Variants in CWF19L2 observed in about 807,000 individuals in gnomAD.
CWF19L2 encodes CWF19-like protein 2.
Under a neutral mutation model 111.7 loss-of-function variants are expected in CWF19L2, and 98 were observed. That is an observed-to-expected ratio of 0.88 (90% CI 0.75 to 1.04). The LOEUF (loss-of-function observed/expected upper bound fraction) is 1.04. Among genes scored for constraint, CWF19L2 ranks in the 50% least tolerant of loss-of-function variants. The probability of loss-of-function intolerance (pLI) is 0.00; values close to 1 mark genes in which losing one functional copy is unlikely to be tolerated. For synonymous variants in CWF19L2, 351 were observed against 342.9 expected (o/e 1.02, Z -0.26); for missense variants, 1,101 against 1,051.4 (o/e 1.05, Z -0.65).
In CWF19L2 at chr11:107,457,742, G is replaced by T; in HGVS notation, c.75C>A (p.Thr25=). Residue 25 remains threonine (T), a synonymous_variant, in exon 1 of 18, where the codon ACC becomes ACA. Coordinates refer to ENST00000282251, the MANE Select transcript of CWF19L2 (RefSeq NM_152434.3). ...AKSIEERKEQ[T]RNARAEVLRQ... ...GCAACACCTCGGCCCTGGCATTCCG[G>T]GTCTGTTCTTTCCGCTCTTCGATAC... is the stretch of plus-strand genomic sequence containing the variant. 6.4e-7 allele frequency: 1 copy of T among 1,551,598 alleles called. No homozygotes were observed. Among genetic ancestry groups the T allele is most frequent in the Non-Finnish European group, 8.7e-7 (1 of 1,146,910 alleles).
At chr11:107,352,098 T>A (rs1008643042) in intron 13 of CWF19L2, among the ~76,000 whole-genome samples, 2 of 152,200 alleles carry the variant, frequency 1.3e-5, no homozygotes, top group Non-Finnish European at 2.9e-5. Context: ...TAAGACAGCT[T>A]ATAGTTCCCA....
Position 107,336,681 on chromosome 11 carries a change from T to G in CWF19L2, c.2235A>C (p.Glu745Asp), listed in dbSNP as rs1236306712. 3.3e-6 allele frequency: 5 copies of G among 1,531,028 alleles called. No individual in the cohort carries two copies. The highest frequency in any genetic ancestry group is 8.9e-7 in the Non-Finnish European group (1 of 1,129,592). The allele number at this position is 1,531,028 out of a possible 1,614,324, so 94.8% of individuals were successfully genotyped here. A position where few individuals can be genotyped will look rare whatever the true frequency, so the allele number is the denominator to read the frequency against. The change falls in exon 15 of 18, where the codon GAA becomes GAC. Residue 745 changes from glutamate to aspartate, a missense_variant. Glu to Asp is a conservative substitution (Grantham distance 45). Coordinates refer to ENST00000282251, the MANE Select transcript of CWF19L2 (RefSeq NM_152434.3). ...AAAAAATGCAGTCTAATCCTTTATCTTCAAACATCTTTACCAATGATTTTC... is the reference window on the plus strand; with the variant it reads ...AAAAAATGCAGTCTAATCCTTTATCGTCAAACATCTTTACCAATGATTTTC... The part of the protein sequence containing the change: ...MFRKSLVKMF[E>D]DKGLDCIFLE...
chr11:107,338,389 C>CT (rs2134527652), intron 14 of CWF19L2, among the ~76,000 whole-genome samples: 2 of 152,142 alleles, frequency 1.3e-5, no homozygotes, highest in African/African-American at 2.4e-5. Context: ...TTGAGGTAGG[C>CT]TTTTTTCTTT....
chr11:107,372,461 G>A (rs1312760175), intron 12 of CWF19L2, among the ~76,000 whole-genome samples: 1 of 136,568 alleles, frequency 7.3e-6, no homozygotes. Flanking sequence ...CACGGATGGA[G>A]CAGAGGAAGC....
intron 8 of CWF19L2, among the ~76,000 whole-genome samples, 175 bp from the exon 9 acceptor site, chr11:107,418,462 C>A (rs978703644): frequency 5.3e-5 from 8 of 152,146 alleles, no homozygotes; most frequent in Non-Finnish European, 1.0e-4. Flanking sequence ...TGATAAAGTT[C>A]TCTGTTACAA....
chr11:107,334,956 G>A lies in CWF19L2; in HGVS notation c.2364C>T (p.Ala788=). 1 of 1,591,344 alleles carries A rather than the reference G, an allele frequency of 6.3e-7. No individual in the cohort carries two copies. The highest frequency in any genetic ancestry group is 8.6e-7 in the Non-Finnish European group (1 of 1,160,824). ...GDMAPIYFKK[A]IMESDEEWSM... ...ACCACTCTTCATCAGATTCCATTAT[G>A]GCTTTCTAAGAAATATCCATTTGTT... Residue 788 remains alanine, a synonymous_variant, in exon 16 of 18, where the codon GCC becomes GCT. Transcript: ENST00000282251.
chr11:107,392,957 T>A, intron 10 of CWF19L2, 62 bp from the exon 11 acceptor site: 1 of 1,055,510 alleles, frequency 9.5e-7, no homozygotes, highest in Non-Finnish European at 1.4e-6. Flanking sequence ...TGTTTTTATT[T>A]AATAACAAAA....
chr11:107,353,706 T>G lies in CWF19L2; in HGVS notation c.1903A>C (p.Thr635Pro). The change falls in exon 13 of 18, where the codon ACC becomes CCC. Residue 635 changes from threonine to proline, a missense_variant. Transcript: ENST00000282251. Reference sequence around the variant, plus strand: ...TTGGAGACAAACATGTCATCCAGGGTGTAATAGTCTCCATCTGTTTTTCCC... The same window carrying G: ...TTGGAGACAAACATGTCATCCAGGGGGTAATAGTCTCCATCTGTTTTTCCC... Reference protein sequence around the residue: ...FMGKTDGDYYTLDDMFVSKAA... With the variant: ...FMGKTDGDYYPLDDMFVSKAA... 6.2e-7 allele frequency: 1 copy of G among 1,613,730 alleles called. No individual in the cohort carries two copies. The highest frequency in any genetic ancestry group is 8.5e-7 in the Non-Finnish European group (1 of 1,179,732).
In CWF19L2 at chr11:107,439,183, A is replaced by C; in HGVS notation, c.571T>G (p.Ser191Ala). ...EQEKNQALEQ[S>A]KLMERELNPY... ...TTCAATTCTCTTTCCATCAGTTTGG[A>C]CTAGAACAAATTATTTTCAGAGGTG... is the stretch of plus-strand genomic sequence containing the variant. Residue 191 changes from serine (S) to alanine (A), a missense_variant and splice_region_variant, in exon 6 of 18, where the codon TCC becomes GCC. Coordinates refer to ENST00000282251, the MANE Select transcript of CWF19L2 (RefSeq NM_152434.3). 1.9e-6 allele frequency: 3 copies of C among 1,573,370 alleles called. No homozygotes were observed. Among genetic ancestry groups the C allele is most frequent in the Non-Finnish European group, 2.6e-6 (3 of 1,158,390 alleles).
At chr11:107,343,860 C>A (rs1455273866) in intron 14 of CWF19L2, among the ~76,000 whole-genome samples, 2 of 152,092 alleles carry the variant, frequency 1.3e-5, no homozygotes, top group South Asian at 2.1e-4. Flanking sequence ...CCCTTTATGT[C>A]CATTTACTCT....
In CWF19L2 at chr11:107,418,250, C is replaced by T; in HGVS notation, c.1471G>A (p.Asp491Asn). 1 of 1,613,234 alleles carries T rather than the reference C, an allele frequency of 6.2e-7. No individual in the cohort carries two copies. The highest frequency in any genetic ancestry group is 2.2e-5 in the East Asian group (1 of 44,864). ...ERESIHILSV[D>N]EKNKLGAKII... ...TTGGCTCCCAACTTGTTCTTCTCAT[C>T]AACACTCAGGATGTGAATGGACTCA... Residue 491 changes from aspartate to asparagine, a missense_variant, in exon 9 of 18, where the codon GAT (aspartate) becomes AAT (asparagine). Physicochemically the swap from Asp to Asn is conservative, Grantham distance 23 (BLOSUM62 1). Transcript: ENST00000282251.
At chr11:107,411,091 A>G (rs531848804) in intron 10 of CWF19L2, among the ~76,000 whole-genome samples, 655 of 13,966 alleles carry the variant, frequency 0.047, 3 homozygotes, top group African/African-American at 0.12. Context: ...GCGTGCGTGC[A>G]CACACACACA....
intron 11 of CWF19L2, among the ~76,000 whole-genome samples, chr11:107,391,442 T>A (rs1860845690): frequency 6.6e-6 from 1 of 152,220 alleles, no homozygotes; most frequent in Admixed American, 6.5e-5. Flanking sequence ...TCCAGAACTG[T>A]GAGAAATAAA....
rs183584736 is a variant in CWF19L2 at position 107,372,758 on chromosome 11, G to A, written c.1872+17316C>T. Reference sequence around the variant, plus strand: ...AGACCAGATAAGAAACAAAGATAGCGGGTTGAGGAGCCAAGATGGCCAAAT... The same window carrying A: ...AGACCAGATAAGAAACAAAGATAGCAGGTTGAGGAGCCAAGATGGCCAAAT... On this transcript the variant is annotated intron_variant, in intron 12 of 17. Coordinates refer to ENST00000282251, the MANE Select transcript of CWF19L2 (RefSeq NM_152434.3). Among the ~76,000 whole-genome samples the A allele has an allele frequency of 2.3e-4, 31 of 133,388 alleles. 7 individuals are homozygous for A. The highest frequency in any genetic ancestry group is 2.0e-3 in the South Asian group (8 of 3,916). 87.5% of individuals were successfully genotyped at this position (133,388 alleles called of 152,430 possible).
chr11:107,373,137 G>A (rs529464578), intron 12 of CWF19L2, among the ~76,000 whole-genome samples: 1 of 44,834 alleles, frequency 2.2e-5, no homozygotes, highest in Non-Finnish European at 4.2e-5. Flanking sequence ...ACGGAGTCTC[G>A]CTGATTGCTA....
At chr11:107,417,537 AT>A (rs1238507379) in intron 9 of CWF19L2, among the ~76,000 whole-genome samples, 1 of 152,216 alleles carries the variant, frequency 6.6e-6, no homozygotes, top group Non-Finnish European at 1.5e-5. Flanking sequence ...AGTAAAAAAC[AT>A]TCTTACAAAT....
chr11:107,443,526 G>C (rs781662617), intron 3 of CWF19L2, among the ~76,000 whole-genome samples: 22 of 151,990 alleles, frequency 1.4e-4, no homozygotes, highest in Non-Finnish European at 2.6e-4. Context: ...CCACTAGTTT[G>C]AGTTAAGCCC....
At chr11:107,341,840 T>C (rs568339869) in intron 14 of CWF19L2, among the ~76,000 whole-genome samples, 50 of 152,258 alleles carry the variant, frequency 3.3e-4, no homozygotes, top group African/African-American at 1.2e-3. Flanking sequence ...AAGGAACTGG[T>C]CCATTACATC....
In CWF19L2 at chr11:107,367,706, T is replaced by C. The variant is rs1402644260; in HGVS notation, c.1873-13970A>G. 7.2e-4 allele frequency among the ~76,000 whole-genome samples: 73 copies of C among 100,982 alleles called. 13 individuals are homozygous for C. In the East Asian group the frequency reaches 1.0e-2, roughly 14 times the overall value. 66.2% of individuals were successfully genotyped at this position (100,982 alleles called of 152,430 possible). ...GTGGGGGGAGGGGGGAGGGATAGCA[T>C]TGGGAGATATACCTAATGCTAGATG... On this transcript the variant is annotated intron_variant, in intron 12 of 17. Coordinates refer to ENST00000282251, the MANE Select transcript of CWF19L2 (RefSeq NM_152434.3).
Sources: allele counts gnomAD v4.1 joint callset (sites outside exome capture counted in the v4.1 genomes callset), GRCh38; gene constraint gnomAD v4.1.1; transcripts MANE v1.5; gene names NCBI Gene and HGNC (gene_info 2026-07-23, HGNC 2026-07-21).